Variants in RBFOX1 observed in about 807,000 individuals in gnomAD.
RBFOX1 encodes the protein RNA binding fox-1 homolog 1.
RBFOX1 carries 8 observed loss-of-function variants against 57.7 expected under a neutral mutation model. The ratio of observed to expected loss-of-function variants is 0.14; its 90% CI spans 0.08 to 0.25. The LOEUF is 0.25. Ranked by LOEUF, RBFOX1 falls within the 10% of genes least tolerant of loss-of-function variation. The probability of loss-of-function intolerance (pLI) is 1.00; values close to 1 mark genes in which losing one functional copy is unlikely to be tolerated. For synonymous variants in RBFOX1, 326 were observed against 222.4 expected, an observed-to-expected ratio of 1.47 and a Z score of -4.15; for missense variants, 611 against 548.5, an observed-to-expected ratio of 1.11 and a Z score of -1.14.
chr16:7,093,590 A>G (rs576650624), intron 4 of RBFOX1, among the ~76,000 whole-genome samples: 8 of 152,246 alleles, frequency 5.3e-5, no homozygotes, highest in African/African-American at 1.7e-4. Context: ...CTTCTCGTTG[A>G]TTAGAGGGAA....
At chr16:5,907,507 A>G (rs1349642065) in intron 4 of RBFOX1, among the ~76,000 whole-genome samples, 1 of 152,146 alleles carries the variant, frequency 6.6e-6, no homozygotes, top group East Asian at 1.9e-4. Context: ...GCTTGGGCCT[A>G]TGGAGAACAG....
At chr16:5,507,272 A>G (rs184185374) in intron 2 of RBFOX1, among the ~76,000 whole-genome samples, 42 of 152,212 alleles carry the variant, frequency 2.8e-4, no homozygotes, top group Non-Finnish European at 8.8e-5. Flanking sequence ...ACCATTTGCC[A>G]TGATTGGAGA....
rs542572576 is a variant in RBFOX1, at chr16:6,959,830, G to A, written c.-15-92227G>A. Among the ~76,000 whole-genome samples, 16 of 152,210 alleles carry A rather than the reference G, an allele frequency of 1.1e-4. 1 individual carries two copies. The highest frequency in any genetic ancestry group is 4.2e-4 in the South Asian group (2 of 4,808). ...CAGGCACCTGTAATTCCAGCTACTC[G>A]GGAGGCTGAGGCAGGAGAATCGCTT... On this transcript the variant is annotated intron_variant, in intron 3 of 15. Coordinates refer to ENST00000550418, the MANE Select transcript of RBFOX1 (RefSeq NM_018723.4).
At chr16:6,281,227 A>G (rs1172805190) in intron 1 of RBFOX1, among the ~76,000 whole-genome samples, 1 of 152,090 alleles carries the variant, frequency 6.6e-6, no homozygotes, top group African/African-American at 2.4e-5. Flanking sequence ...GCCCGGTGCT[A>G]GGACAAGCAC....
intron 2 of RBFOX1, among the ~76,000 whole-genome samples, chr16:5,592,725 G>A (rs1264897218): frequency 2.0e-5 from 3 of 152,216 alleles, no homozygotes; most frequent in Non-Finnish European, 4.4e-5. Flanking sequence ...TCTCTGAGGT[G>A]TGGTGGAAAT....
intron 2 of RBFOX1, among the ~76,000 whole-genome samples, chr16:5,510,012 C>G (rs1015786212): frequency 7.2e-5 from 11 of 152,302 alleles, no homozygotes; most frequent in African/African-American, 2.4e-4. Flanking sequence ...CAGAGCTCAG[C>G]CACGCCCTAC....
At chr16:7,495,398 C>T (rs141661828) in intron 4 of RBFOX1, among the ~76,000 whole-genome samples, 3 of 152,212 alleles carry the variant, frequency 2.0e-5, no homozygotes, top group Admixed American at 6.5e-5. Flanking sequence ...ACTCAAACAG[C>T]TTTCCACAGT....
At chr16:6,695,973 A>G (rs895212852) in intron 3 of RBFOX1, among the ~76,000 whole-genome samples, 1 of 152,194 alleles carries the variant, frequency 6.6e-6, no homozygotes, top group Non-Finnish European at 1.5e-5. Context: ...TTTTAAAGAG[A>G]TGTACAGACA....
chr16:5,600,472 G>GT (rs1381525460), downstream of RBFOX1, among the ~76,000 whole-genome samples: 1 of 125,772 alleles, frequency 8.0e-6, no homozygotes, highest in Non-Finnish European at 1.6e-5. Context: ...GGCAAACAGA[G>GT]TAAGAGCCTG....
chr16:5,335,078 G>T (rs1596555488), intron 1 of RBFOX1, among the ~76,000 whole-genome samples: 1 of 152,090 alleles, frequency 6.6e-6, no homozygotes, highest in East Asian at 1.9e-4. Context: ...GTGCTCACTG[G>T]CAGTGTGTTT....
At chr16:6,736,417 C>A (rs1168386565) in intron 3 of RBFOX1, among the ~76,000 whole-genome samples, 1 of 152,160 alleles carries the variant, frequency 6.6e-6, no homozygotes, top group Non-Finnish European at 1.5e-5. Flanking sequence ...GTTTGGTTTT[C>A]CATTCCTGAG....
chr16:6,756,994 AC>A (rs1214806848), intron 3 of RBFOX1, among the ~76,000 whole-genome samples: 2 of 145,572 alleles, frequency 1.4e-5, no homozygotes, highest in Non-Finnish European at 3.0e-5. Context: ...AGACAAACAA[AC>A]AAACAAACAA....
chr16:6,146,532 C>G (rs1406969008), intron 1 of RBFOX1, among the ~76,000 whole-genome samples: 1 of 152,068 alleles, frequency 6.6e-6, no homozygotes, highest in Non-Finnish European at 1.5e-5. Flanking sequence ...GCTGAGAACC[C>G]CTCCTCTGGA....
At chr16:7,469,042 T>C (rs372537729) in intron 4 of RBFOX1, among the ~76,000 whole-genome samples, 1 of 152,182 alleles carries the variant, frequency 6.6e-6, no homozygotes, top group East Asian at 1.9e-4. Context: ...CACACCATTT[T>C]CCTGCCTCAG....
At chr16:6,861,787 C>G (rs1406005236) in intron 3 of RBFOX1, among the ~76,000 whole-genome samples, 2 of 143,878 alleles carry the variant, frequency 1.4e-5, no homozygotes, top group South Asian at 2.3e-4. Flanking sequence ...TTTCCACGTT[C>G]ATACACTCCC....
intron 1 of RBFOX1, among the ~76,000 whole-genome samples, chr16:6,139,259 A>C (rs1349271791): frequency 6.6e-6 from 1 of 152,148 alleles, no homozygotes; most frequent in African/African-American, 2.4e-5. Flanking sequence ...GCATGAGGCA[A>C]CTGTTATTTT....
chr16:5,320,699 G>T (rs372350091), intron 1 of RBFOX1, among the ~76,000 whole-genome samples: 22 of 152,330 alleles, frequency 1.4e-4, no homozygotes, highest in African/African-American at 5.3e-4. Context: ...CTTCTTGTGT[G>T]ACTGATTTTC....
chr16:6,569,126 C>T (rs1480125400), intron 2 of RBFOX1, among the ~76,000 whole-genome samples: 4 of 152,196 alleles, frequency 2.6e-5, no homozygotes, highest in Non-Finnish European at 5.9e-5. Context: ...CTCTCTCTGC[C>T]TCTTGATATC....
At chr16:6,340,466 C>T (rs1051360448) in intron 2 of RBFOX1, among the ~76,000 whole-genome samples, 19 of 152,206 alleles carry the variant, frequency 1.2e-4, no homozygotes, top group African/African-American at 4.6e-4. Flanking sequence ...ATAGGCAGAG[C>T]AGCAACAAGG....
Sources: gnomAD v4.1 joint callset for allele counts (sites outside exome capture counted in the v4.1 genomes callset) on GRCh38, gnomAD v4.1.1 for gene constraint, MANE v1.5 for transcripts, NCBI Gene and HGNC (gene_info 2026-07-23, HGNC 2026-07-21) for gene names.